ATP8B4: variants seen among roughly 807,000 people sequenced by gnomAD.
The protein encoded by ATP8B4 is ATPase phospholipid transporting 8B4 (putative), also known as probable phospholipid-transporting ATPase IM.
In ATP8B4, 133 loss-of-function variants were observed where a neutral mutation model predicts 145.6. The observed-to-expected ratio is 0.91, with a 90% CI of 0.79 to 1.05. The LOEUF is 1.05. Ranked by LOEUF, ATP8B4 falls within the 50% of genes least tolerant of loss-of-function variation. The probability of loss-of-function intolerance (pLI) is 0.00; values close to 1 mark genes in which losing one functional copy is unlikely to be tolerated. For missense variants in ATP8B4, 1,458 were observed against 1,425.2 expected (o/e 1.02, Z -0.37); for synonymous variants, 507 against 492.9 (o/e 1.03, Z -0.38).
chr15:49,973,312 A>G (rs905594301), intron 12 of ATP8B4, among the ~76,000 whole-genome samples: 2 of 152,192 alleles, frequency 1.3e-5, no homozygotes, highest in African/African-American at 4.8e-5. Context: ...TGAGAATCTA[A>G]TGCTGCTGCC....
chr15:49,890,472 G>T (rs1432477010), intron 23 of ATP8B4, among the ~76,000 whole-genome samples: 1 of 152,156 alleles, frequency 6.6e-6, no homozygotes, highest in Non-Finnish European at 1.5e-5. Flanking sequence ...TAAAAGACTG[G>T]AAGTAAGTGG....
chr15:50,090,571 C>A (rs550028818), intron 2 of ATP8B4, among the ~76,000 whole-genome samples: 1 of 152,266 alleles, frequency 6.6e-6, no homozygotes, highest in African/African-American at 2.4e-5. Flanking sequence ...GCAAGCCCCA[C>A]CAGATACTGA....
In ATP8B4 at chr15:49,980,792, G is replaced by T. The variant is rs542761166; in HGVS notation, c.837+414C>A. On this transcript the variant is annotated intron_variant, in intron 11 of 27. Coordinates refer to ENST00000284509, the MANE Select transcript of ATP8B4 (RefSeq NM_024837.4). Reference sequence around the variant, plus strand: ...AGAAGTTGAATAAACCAAACATAAGGCCCTCTGAGTGTGGGGCCCTGTGTG... The same window carrying T: ...AGAAGTTGAATAAACCAAACATAAGTCCCTCTGAGTGTGGGGCCCTGTGTG... Among the ~76,000 whole-genome samples, 3 of 152,240 alleles carry T rather than the reference G, an allele frequency of 2.0e-5. No homozygotes were observed. In the East Asian group the frequency reaches 5.8e-4, roughly 29 times the overall value.
chr15:49,942,661 A>G (rs996122832), intron 14 of ATP8B4, among the ~76,000 whole-genome samples: 13 of 151,606 alleles, frequency 8.6e-5, no homozygotes, highest in Non-Finnish European at 1.6e-4. Context: ...GGTCTCTACT[A>G]AAAAATACAA....
intron 2 of ATP8B4, among the ~76,000 whole-genome samples, chr15:50,101,248 T>C (rs1186220371): frequency 6.6e-6 from 1 of 152,048 alleles, no homozygotes; most frequent in Non-Finnish European, 1.5e-5. Flanking sequence ...GATGATAATG[T>C]GGGTATGCAG....
intron 3 of ATP8B4, among the ~76,000 whole-genome samples, chr15:50,072,212 CT>C (rs1466679941): frequency 8.5e-6 from 1 of 117,390 alleles, no homozygotes; most frequent in African/African-American, 3.5e-5. Flanking sequence ...AAGTTTGCCC[CT>C]GGGACTCTCA....
At chr15:50,158,918 A>G (rs1407932196) in intron 1 of ATP8B4, among the ~76,000 whole-genome samples, 1 of 152,166 alleles carries the variant, frequency 6.6e-6, no homozygotes, top group East Asian at 1.9e-4. Flanking sequence ...ATGCTCCTTA[A>G]GAGTCATCAC....
intron 1 of ATP8B4, among the ~76,000 whole-genome samples, chr15:50,175,569 T>A (rs1310303872): frequency 6.6e-6 from 1 of 152,086 alleles, no homozygotes; most frequent in African/African-American, 2.4e-5. Flanking sequence ...AAGGAAGACA[T>A]ACAAATGGTC....
intron 14 of ATP8B4, among the ~76,000 whole-genome samples, 200 bp from the exon 15 acceptor site, chr15:49,934,382 C>A (rs757012130): frequency 2.0e-5 from 3 of 151,988 alleles, no homozygotes; most frequent in Non-Finnish European, 4.4e-5. Flanking sequence ...AGTGAACTTT[C>A]CAAAAGTATA....
intron 1 of ATP8B4, among the ~76,000 whole-genome samples, chr15:50,162,821 T>C (rs2044542524): frequency 6.6e-6 from 1 of 152,232 alleles, no homozygotes; most frequent in Admixed American, 6.5e-5. Flanking sequence ...TTTGTTTTTT[T>C]TCTTGTTTCC....
intron 11 of ATP8B4, among the ~76,000 whole-genome samples, chr15:49,980,208 A>G (rs2046033965): frequency 6.6e-6 from 1 of 152,204 alleles, no homozygotes; most frequent in South Asian, 2.1e-4. Context: ...TACTGAAAGT[A>G]AAACACAGAG....
At chr15:50,097,441 C>T (rs2056062456) in intron 2 of ATP8B4, among the ~76,000 whole-genome samples, 1 of 152,182 alleles carries the variant, frequency 6.6e-6, no homozygotes, top group Admixed American at 6.5e-5. Context: ...CTCCATGACC[C>T]CTAGGTCCTA....
chr15:49,932,157 A>C (rs888216952), intron 15 of ATP8B4, among the ~76,000 whole-genome samples: 8 of 151,872 alleles, frequency 5.3e-5, no homozygotes, highest in Non-Finnish European at 1.0e-4. Context: ...GTCCAAGATA[A>C]TTGTTAAGTA....
In ATP8B4 at chr15:49,899,633, TTC is replaced by T. The variant is rs200462162; in HGVS notation, c.2290-1384_2290-1383del. 2.1e-3 allele frequency among the ~76,000 whole-genome samples: 316 copies of T among 151,924 alleles called. 1 individual carries two copies. The highest frequency in any genetic ancestry group is 7.0e-3 in the African/African-American group (290 of 41,474). On this transcript the variant is annotated intron_variant, in intron 21 of 27. Coordinates refer to ENST00000284509, the MANE Select transcript of ATP8B4 (RefSeq NM_024837.4). ...GTCTGTCTTGCCTAGAATGGTCTCT[TTC>T]TCTCTCTCTCTCTTTTTTATTATCA...
At chr15:50,127,036 C>T (rs978465732) in intron 1 of ATP8B4, among the ~76,000 whole-genome samples, 7 of 152,162 alleles carry the variant, frequency 4.6e-5, no homozygotes, top group Non-Finnish European at 2.9e-5. Context: ...CTGCTGACCC[C>T]AAGTTTTTAA....
At chr15:49,970,575 G>C (rs1436611820) in intron 13 of ATP8B4, among the ~76,000 whole-genome samples, 1 of 152,154 alleles carries the variant, frequency 6.6e-6, no homozygotes, top group Non-Finnish European at 1.5e-5. Flanking sequence ...GGAATGCGAA[G>C]GACCTTTTCA....
chr15:50,173,346 C>T (rs899727991), intron 1 of ATP8B4, among the ~76,000 whole-genome samples: 133 of 152,202 alleles, frequency 8.7e-4, no homozygotes, highest in African/African-American at 2.9e-3. Flanking sequence ...TTGTTCTGTA[C>T]TAAGAAAAAT....
At position 50,010,872 on chromosome 15, in the gene ATP8B4, A is replaced by T; in HGVS notation, c.408T>A (p.Ile136=). The T allele has an allele frequency of 6.4e-7, 1 of 1,566,172 alleles. No individual in the cohort carries two copies. The highest frequency in any genetic ancestry group is 8.6e-7 in the Non-Finnish European group (1 of 1,157,880). The change falls in exon 7 of 28, where the codon ATT becomes ATA. Residue 136 remains isoleucine (I), a synonymous_variant. Transcript: ENST00000284509. ...CAACAAATTGGTTATTTTCTAATTT[A>T]ATGATGTCTCCCACTTTGACATTCA... ...KWMNVKVGDI[I]KLENNQFVAA...
chr15:49,866,383 G>A lies in ATP8B4; in HGVS notation c.3129C>T (p.Gly1043=). ...FSILFTMHSN[G]IFGIFPNQFP... ...ACTGGTTTGGGAAGATGCCAAAGATGCCATTACTGTGCATTGTAAATAAAA... is the reference window on the plus strand; with the variant it reads ...ACTGGTTTGGGAAGATGCCAAAGATACCATTACTGTGCATTGTAAATAAAA... The change falls in exon 26 of 28, where the codon GGC becomes GGT. Residue 1043 remains glycine (G), a synonymous_variant. Coordinates refer to ENST00000284509, the MANE Select transcript of ATP8B4 (RefSeq NM_024837.4). The A allele has an allele frequency of 3.1e-6, 5 of 1,614,028 alleles. No individual in the cohort carries two copies. The highest frequency in any genetic ancestry group is 4.2e-6 in the Non-Finnish European group (5 of 1,179,882).
Sources: allele counts gnomAD v4.1 joint callset (sites outside exome capture counted in the v4.1 genomes callset), GRCh38; gene constraint gnomAD v4.1.1; transcripts MANE v1.5; gene names NCBI Gene and HGNC (gene_info 2026-07-23, HGNC 2026-07-21).